DGKQ: variants seen among roughly 807,000 people sequenced by gnomAD.
DGKQ encodes the protein DAG kinase theta.
A neutral mutation model predicts 104.2 loss-of-function variants in DGKQ; 97 were observed. The observed-to-expected ratio is 0.93, with a 90% CI of 0.79 to 1.10. The LOEUF is 1.10. Ranked by LOEUF, DGKQ falls within the 50% of genes least tolerant of loss-of-function variation. The probability of loss-of-function intolerance (pLI) is 0.00; values close to 1 mark genes in which losing one functional copy is unlikely to be tolerated. For synonymous variants in DGKQ, 736 were observed against 595.2 expected, an observed-to-expected ratio of 1.24 and a Z score of -3.44; for missense variants, 1,465 against 1,352.1, an observed-to-expected ratio of 1.08 and a Z score of -1.31.
At chr4:972,791 G>C (rs975460719) in intron 1 of DGKQ, among the ~76,000 whole-genome samples, 3 of 151,990 alleles carry the variant, frequency 2.0e-5, no homozygotes, top group East Asian at 3.9e-4. Context: ...GCACCGGGAC[G>C]GCAGGGCCCG....
chr4:960,982 C>G, intron 22 of DGKQ, 67 bp downstream of exon 22: 1 of 1,587,022 alleles, frequency 6.3e-7, no homozygotes. Flanking sequence ...CTGGGTACCA[C>G]TGGCCACTCC....
chr4:970,697 C>T (rs1416890495), intron 2 of DGKQ, among the ~76,000 whole-genome samples: 1 of 152,100 alleles, frequency 6.6e-6, no homozygotes, highest in South Asian at 2.1e-4. Context: ...CAGCCACGCC[C>T]ACTTCTCCGC....
rs1214433896 is a variant in DGKQ, at chr4:962,878, C to T, written c.1929G>A (p.Val643=). 1.2e-6 allele frequency: 2 copies of T among 1,609,180 alleles called. No individual in the cohort carries two copies. The highest frequency in any genetic ancestry group is 8.5e-7 in the Non-Finnish European group (1 of 1,178,552). The change falls in exon 17 of 23, where the codon GTG becomes GTA. Residue 643 remains valine (V), a synonymous_variant. Coordinates refer to ENST00000273814, the MANE Select transcript of DGKQ (RefSeq NM_001347.4). ...FSQVPCFRVL[V]CGGDGTVGWV... is the part of the protein sequence containing the mutation. ...AGCCCACAGTGCCATCGCCACCACA[C>T]ACCAGCACCCGGAAGCAGGGCACCT... is the stretch of plus-strand genomic sequence containing the variant.
rs777382334 is a variant in DGKQ at position 965,455 on chromosome 4, G to C, written c.1618+36C>G. Reference sequence around the variant, plus strand: ...CCCACTTCACCCCAGGAACACCCCTGGGCCTCATGTGACCACGTCCCTCAG... The same window carrying C: ...CCCACTTCACCCCAGGAACACCCCTCGGCCTCATGTGACCACGTCCCTCAG... On this transcript the variant is annotated intron_variant, in intron 14 of 22. Coordinates refer to ENST00000273814, the MANE Select transcript of DGKQ (RefSeq NM_001347.4). 3 of 1,604,432 alleles carry C rather than the reference G, an allele frequency of 1.9e-6. No individual in the cohort carries two copies. The East Asian group carries it at 6.7e-5, about 36-fold the overall frequency.
rs891510499 is a variant in DGKQ at position 971,688 on chromosome 4, C to T, written c.272-616G>A. On this transcript the variant is annotated intron_variant, in intron 1 of 22. Transcript: ENST00000273814. This position sits in a 1 kb window ranked among gnomAD's most constrained non-coding sequence, Gnocchi z 4.0. ...CTCAGGAGGGCATAAGAGGAGCAAG[C>T]GCCACACCCCAGCAGTAAAACAGAC... Among the ~76,000 whole-genome samples the T allele has an allele frequency of 2.6e-5, 4 of 152,054 alleles. No homozygotes were observed. The South Asian group carries it at 6.2e-4, about 24-fold the overall frequency.
At position 968,532 on chromosome 4, in the gene DGKQ, G is replaced by A; in HGVS notation, c.484C>T (p.Pro162Ser). Residue 162 changes from proline to serine, a missense_variant, in exon 4 of 23, where the codon CCC becomes TCC. Coordinates refer to ENST00000273814, the MANE Select transcript of DGKQ (RefSeq NM_001347.4). ...CELHLHPDCV[P>S]FACSDCRQCH... ...TGGCGGCAGTCACTGCAGGCGAAGG[G>A]CACACAGTCTGGGTGGAGGTGCAGC... 1 of 1,609,632 alleles carries A rather than the reference G, an allele frequency of 6.2e-7. No homozygotes were observed. Among genetic ancestry groups the A allele is most frequent in the Non-Finnish European group, 8.5e-7 (1 of 1,178,626 alleles).
intron 18 of DGKQ, 69 bp downstream of exon 18, chr4:962,366 C>T (rs1227915579): frequency 2.6e-5 from 38 of 1,436,432 alleles, no homozygotes; most frequent in Non-Finnish European, 3.3e-5. Flanking sequence ...AGAGGACGCC[C>T]GTTGTGACGC....
Position 963,246 on chromosome 4 carries a change from C to T in DGKQ, c.1779G>A (p.Val593=). ...PPDSCPLLVF[V]NPKSGGLKGR... Reference sequence around the variant, plus strand: ...CCTTGAGGCCTCCACTCTTGGGGTTCACGAACACAAGGAGGGGACAGCTGT... The same window carrying T: ...CCTTGAGGCCTCCACTCTTGGGGTTTACGAACACAAGGAGGGGACAGCTGT... Residue 593 remains valine, a synonymous_variant, in exon 16 of 23, where the codon GTG becomes GTA. Transcript: ENST00000273814. 1.2e-6 allele frequency: 2 copies of T among 1,610,916 alleles called. No homozygotes were observed. Among genetic ancestry groups the T allele is most frequent in the Non-Finnish European group, 1.7e-6 (2 of 1,178,406 alleles).
At chr4:972,318 C>T (rs888439995) in intron 1 of DGKQ, among the ~76,000 whole-genome samples, 2 of 152,184 alleles carry the variant, frequency 1.3e-5, no homozygotes, top group African/African-American at 4.8e-5. Flanking sequence ...GACAAAGAAG[C>T]TGGCGGGCCA....
At chr4:962,332 G>A (rs1004845299) in intron 18 of DGKQ, 103 bp downstream of exon 18, 74 of 1,194,592 alleles carry the variant, frequency 6.2e-5, no homozygotes, top group Non-Finnish European at 7.3e-5. Flanking sequence ...TGATGCGGGC[G>A]CGTACACCCG....
Position 971,776 on chromosome 4 carries a change from G to A in DGKQ, c.272-704C>T, listed in dbSNP as rs1712951971. 1.3e-5 allele frequency among the ~76,000 whole-genome samples: 2 copies of A among 152,154 alleles called. No homozygotes were observed. The highest frequency in any genetic ancestry group is 4.1e-4 in the South Asian group (2 of 4,832). On this transcript the variant is annotated intron_variant, in intron 1 of 22. Transcript: ENST00000273814. The surrounding 1 kb of genome is among the most constrained non-coding windows in gnomAD (Gnocchi z 4.0). ...CCTGGGCTGGGGCAAAGGCTGCGGG[G>A]GCTGGGAGTGGGCAGGGCACCCAGT...
rs1713096030 is a variant in DGKQ at position 973,375 on chromosome 4, G to C, written c.108C>G (p.Arg36=). Residue 36 remains arginine, a synonymous_variant, in exon 1 of 23, where the codon CGC becomes CGG. Coordinates refer to ENST00000273814, the MANE Select transcript of DGKQ (RefSeq NM_001347.4). The stretch of plus-strand genomic sequence containing the variant: ...GTCCCGGCCCCGGCCCCGGCCCCGG[G>C]CGCGCGCGGCCTCCTGAGCCCAGCA... ...SPVLGSGGRA[R]PGPGPGPGPE... The C allele has an allele frequency of 5.3e-6, 6 of 1,136,762 alleles. No individual in the cohort carries two copies. The highest frequency in any genetic ancestry group is 5.1e-5 in the Admixed American group (1 of 19,450). 70.4% of individuals were successfully genotyped at this position (1,136,762 alleles called of 1,614,324 possible). A position where few individuals can be genotyped will look rare whatever the true frequency, so the allele number is the denominator to read the frequency against.
rs568501834 is a variant in DGKQ, at chr4:962,522, G to C, written c.2127C>G (p.Ala709=). 3.1e-6 allele frequency: 5 copies of C among 1,610,026 alleles called. No individual in the cohort carries two copies. The East Asian group carries it at 1.1e-4, about 36-fold the overall frequency. The part of the protein sequence containing the change: ...SVLLSVDEAD[A]VLMDRWTILL... ...GGATGGTCCAGCGGTCCATGAGCAC[G>C]GCGTCGGCCTCGTCCACAGACAGCA... Residue 709 remains alanine (A), a synonymous_variant, in exon 18 of 23, where the codon GCC becomes GCG. Coordinates refer to ENST00000273814, the MANE Select transcript of DGKQ (RefSeq NM_001347.4).
Position 961,512 on chromosome 4 carries a change from G to T in DGKQ, c.2529C>A (p.Asp843Glu). 1 of 1,608,618 alleles carries T rather than the reference G, an allele frequency of 6.2e-7. No homozygotes were observed. Among genetic ancestry groups the T allele is most frequent in the Non-Finnish European group, 8.5e-7 (1 of 1,178,458 alleles). ...SDTRFEKPRMDDGLLEVVGVT... is the reference protein window; with the variant it reads ...SDTRFEKPRMEDGLLEVVGVT... ...CGCCCACAACCTCCAGCAGCCCGTC[G>T]TCCATGCGTGGCTTCTCAAACCTGG... The change falls in exon 21 of 23, where the codon GAC (aspartate) becomes GAA (glutamate). Residue 843 changes from aspartate to glutamate, a missense_variant. Asp to Glu is a conservative substitution (Grantham distance 45, BLOSUM62 2). Transcript: ENST00000273814.
At chr4:972,541 C>T (rs1255956758) in intron 1 of DGKQ, among the ~76,000 whole-genome samples, 1 of 148,274 alleles carries the variant, frequency 6.7e-6, no homozygotes, top group African/African-American at 2.6e-5. Flanking sequence ...CGGTCCTGTC[C>T]CTCGCTCCCT....
chr4:964,741 C>T (rs1043602591), intron 15 of DGKQ, among the ~76,000 whole-genome samples: 1 of 152,198 alleles, frequency 6.6e-6, no homozygotes, highest in Middle Eastern at 3.2e-3. Flanking sequence ...GAGGCTGTAC[C>T]GGGAGGGCCA....
At chr4:963,990 G>A (rs2335500) in intron 15 of DGKQ, 13,428 of 154,372 alleles carry the variant, frequency 0.087, 1,127 homozygotes, top group African/African-American at 0.22. Flanking sequence ...GCGGCACAGG[G>A]GCCGGCCGTG....
rs951244559 is a variant in DGKQ, at chr4:971,227, T to C, written c.272-155A>G. On this transcript the variant is annotated intron_variant, in intron 1 of 22. Coordinates refer to ENST00000273814, the MANE Select transcript of DGKQ (RefSeq NM_001347.4). This position sits in a 1 kb window ranked among gnomAD's most constrained non-coding sequence, Gnocchi z 4.0. ...GTTCCCCCACCACCCTGCCCACTCATTGGAGAGAGCCTGCAGCCCAGGAGC... is the reference window on the plus strand; with the variant it reads ...GTTCCCCCACCACCCTGCCCACTCACTGGAGAGAGCCTGCAGCCCAGGAGC... Among the ~76,000 whole-genome samples, 1 of 152,076 alleles carries C rather than the reference T, an allele frequency of 6.6e-6. No homozygotes were observed. Among genetic ancestry groups the C allele is most frequent in the African/African-American group, 2.4e-5 (1 of 41,410 alleles).
At position 965,490 on chromosome 4, in the gene DGKQ, C is replaced by T; in HGVS notation, c.1618+1G>A. Reference sequence around the variant, plus strand: ...TGACCACGTCCCTCAGGGCAGCTCACCTTGGGAGGAGTAGATGTGACTCAC... The same window carrying T: ...TGACCACGTCCCTCAGGGCAGCTCATCTTGGGAGGAGTAGATGTGACTCAC... On this transcript the variant is annotated splice_donor_variant, in intron 14 of 22. Transcript: ENST00000273814. LOFTEE classifies it high-confidence loss of function. 3 of 1,611,360 alleles carry T rather than the reference C, an allele frequency of 1.9e-6. No individual in the cohort carries two copies. Among genetic ancestry groups the T allele is most frequent in the Non-Finnish European group, 2.5e-6 (3 of 1,179,368 alleles).
Sources: allele counts gnomAD v4.1 joint callset (sites outside exome capture counted in the v4.1 genomes callset), GRCh38; gene constraint gnomAD v4.1.1; non-coding constraint Gnocchi (gnomAD v3.1); transcripts MANE v1.5; gene names NCBI Gene and HGNC (gene_info 2026-07-23, HGNC 2026-07-21).